The following NKAIN3 variants were observed in gnomAD, a reference collection of about 807,000 sequenced individuals.
NKAIN3 encodes sodium/potassium transporting ATPase interacting 3.
NKAIN3 carries 25 observed loss-of-function variants against 30.2 expected under a neutral mutation model. The observed-to-expected ratio is 0.83, with a 90% CI of 0.60 to 1.16. The LOEUF is 1.16. Ranked by LOEUF, NKAIN3 falls within the 50% of genes most tolerant of loss-of-function variation. NKAIN3 has a pLI of 0.00. For missense variants in NKAIN3, 225 were observed against 254.1 expected (o/e 0.89, Z 0.78); for synonymous variants, 91 against 89.6 (o/e 1.02, Z -0.09).
chr8:62,964,119 C>T (rs1823641029), intron 6 of NKAIN3, among the ~76,000 whole-genome samples: 1 of 152,098 alleles, frequency 6.6e-6, no homozygotes, highest in Non-Finnish European at 1.5e-5. Flanking sequence ...GCCTGGATGC[C>T]ACCAGCTGAC....
At chr8:62,946,103 G>A (rs1585608478) in intron 5 of NKAIN3, among the ~76,000 whole-genome samples, 1 of 152,146 alleles carries the variant, frequency 6.6e-6, no homozygotes, top group Non-Finnish European at 1.5e-5. Context: ...CCTTCTGAAA[G>A]GTGGAGGAGA....
At chr8:62,432,092 C>A (rs1360864818) in intron 1 of NKAIN3, among the ~76,000 whole-genome samples, 1 of 151,722 alleles carries the variant, frequency 6.6e-6, no homozygotes, top group Non-Finnish European at 1.5e-5. Flanking sequence ...TTTTTATAAT[C>A]TCTCAATTTG....
At chr8:62,896,157 G>C (rs141309528) in intron 4 of NKAIN3, among the ~76,000 whole-genome samples, 55 of 152,122 alleles carry the variant, frequency 3.6e-4, no homozygotes, top group Middle Eastern at 3.4e-3. Flanking sequence ...GTCAGGCTCG[G>C]GTGAGGGCCC....
chr8:62,504,463 T>C (rs901422452), intron 1 of NKAIN3, among the ~76,000 whole-genome samples: 19 of 152,298 alleles, frequency 1.2e-4, no homozygotes, highest in African/African-American at 4.6e-4. Flanking sequence ...CATAATCATT[T>C]CCTCTTCCTT....
At chr8:62,529,851 G>T (rs1563442434) in intron 1 of NKAIN3, among the ~76,000 whole-genome samples, 1 of 152,124 alleles carries the variant, frequency 6.6e-6, no homozygotes. Context: ...GAGGTCAGAG[G>T]TGTCAAGCTG....
At chr8:62,602,617 A>G (rs1811012684) in intron 3 of NKAIN3, among the ~76,000 whole-genome samples, 1 of 152,010 alleles carries the variant, frequency 6.6e-6, no homozygotes, top group African/African-American at 2.4e-5. Context: ...ACCAAAGCTG[A>G]CCTTGTTTTA....
At chr8:62,988,766 T>C (rs10957260), downstream of NKAIN3, among the ~76,000 whole-genome samples, 11,315 of 152,304 alleles carry the variant, frequency 0.074, 685 homozygotes, top group East Asian at 0.3. Context: ...GTCTTAGTGA[T>C]TAGCATTTCA....
intron 3 of NKAIN3, among the ~76,000 whole-genome samples, chr8:62,702,862 T>A (rs1742001189): frequency 6.6e-6 from 1 of 152,216 alleles, no homozygotes; most frequent in Admixed American, 6.5e-5. Flanking sequence ...AATTTAAGAT[T>A]CCTTCTGTAG....
chr8:62,292,864 A>G (rs1813697199), intron 1 of NKAIN3, among the ~76,000 whole-genome samples: 1 of 152,218 alleles, frequency 6.6e-6, no homozygotes, highest in African/African-American at 2.4e-5. Flanking sequence ...ACTTTCAGGC[A>G]CAGCAATCAG....
chr8:62,308,220 T>C (rs1461999742), intron 1 of NKAIN3, among the ~76,000 whole-genome samples: 1 of 150,604 alleles, frequency 6.6e-6, no homozygotes, highest in Non-Finnish European at 1.5e-5. Context: ...TTTAGTCAGC[T>C]GTACCTCAAA....
rs1003719854 is a variant in NKAIN3, at chr8:62,679,359, A to G, written c.274-67573A>G. 3.9e-5 allele frequency among the ~76,000 whole-genome samples: 6 copies of G among 152,314 alleles called. No individual in the cohort carries two copies. The South Asian group carries it at 1.0e-3, about 26-fold the overall frequency. ...AAAGGGTGCATCTAGCAGACGTGAG[A>G]GACAATAGGACAGAAAAATGGCCAA... On this transcript the variant is annotated intron_variant, in intron 3 of 6. Transcript: ENST00000623646.
At chr8:62,699,804 G>A (rs1258549638) in intron 3 of NKAIN3, among the ~76,000 whole-genome samples, 2 of 152,064 alleles carry the variant, frequency 1.3e-5, no homozygotes, top group African/African-American at 4.8e-5. Flanking sequence ...TATGCAGAAT[G>A]AAAAAATAAG....
At chr8:62,920,517 T>G (rs1822247510) in intron 5 of NKAIN3, among the ~76,000 whole-genome samples, 1 of 152,204 alleles carries the variant, frequency 6.6e-6, no homozygotes, top group South Asian at 2.1e-4. Flanking sequence ...TCTGTTAACT[T>G]TCTATTAGCC....
At chr8:62,498,388 C>G (rs764076969) in intron 1 of NKAIN3, among the ~76,000 whole-genome samples, 3 of 152,024 alleles carry the variant, frequency 2.0e-5, no homozygotes, top group African/African-American at 7.2e-5. Context: ...TTCTCTTCAT[C>G]TCATTCCCTA....
chr8:62,821,536 G>T (rs777209210), intron 4 of NKAIN3, among the ~76,000 whole-genome samples: 1 of 152,084 alleles, frequency 6.6e-6, no homozygotes, highest in Non-Finnish European at 1.5e-5. Flanking sequence ...AACTCTTTGG[G>T]CAAGAAACAG....
intron 1 of NKAIN3, among the ~76,000 whole-genome samples, chr8:62,479,370 G>A (rs556893528): frequency 4.3e-4 from 66 of 152,268 alleles, no homozygotes; most frequent in African/African-American, 1.5e-3. Context: ...TTCGGCAGGT[G>A]AAGGAACTGA....
intron 1 of NKAIN3, among the ~76,000 whole-genome samples, chr8:62,475,447 T>C (rs943914266): frequency 1.1e-4 from 17 of 152,208 alleles, no homozygotes; most frequent in Non-Finnish European, 1.9e-4. Flanking sequence ...TTCCAGACTT[T>C]TTTTCAACAG....
At chr8:62,668,304 GT>G (rs767921679) in intron 3 of NKAIN3, among the ~76,000 whole-genome samples, 7 of 152,060 alleles carry the variant, frequency 4.6e-5, no homozygotes, top group Non-Finnish European at 8.8e-5. Context: ...CCTAACATCA[GT>G]TCTGTACTCA....
chr8:62,497,972 C>G (rs530536794), intron 1 of NKAIN3, among the ~76,000 whole-genome samples: 1 of 152,234 alleles, frequency 6.6e-6, no homozygotes, highest in East Asian at 1.9e-4. Context: ...TTCAAACCCT[C>G]TCTTGCTGCT....
Sources: gnomAD v4.1 joint callset for allele counts (sites outside exome capture counted in the v4.1 genomes callset) on GRCh38, gnomAD v4.1.1 for gene constraint, MANE v1.5 for transcripts, NCBI Gene and HGNC (gene_info 2026-07-23, HGNC 2026-07-21) for gene names.